CERS6: variants seen among roughly 807,000 people sequenced by gnomAD.
CERS6 encodes ceramide synthase 6.
A neutral mutation model predicts 56.8 loss-of-function variants in CERS6; 26 were observed. That is an observed-to-expected ratio of 0.46 (90% CI 0.34 to 0.63). The LOEUF is 0.63. Ranked by LOEUF, CERS6 falls within the 30% of genes least tolerant of loss-of-function variation. The probability of loss-of-function intolerance (pLI) is 0.01; values close to 1 mark genes in which losing one functional copy is unlikely to be tolerated. For synonymous variants in CERS6, 164 were observed against 173.3 expected (o/e 0.95, Z 0.42); for missense variants, 415 against 467.5 (o/e 0.89, Z 1.04).
intron 3 of CERS6, among the ~76,000 whole-genome samples, chr2:168,595,846 G>GT (rs553873493): frequency 2.2e-4 from 34 of 151,982 alleles, no homozygotes; most frequent in African/African-American, 7.0e-4. Context: ...AGAATTGTAT[G>GT]TTTTTTTTCT....
chr2:168,521,373 G>A (rs1694980329), intron 1 of CERS6, among the ~76,000 whole-genome samples: 1 of 152,170 alleles, frequency 6.6e-6, no homozygotes, highest in African/African-American at 2.4e-5. Flanking sequence ...CTCTAACAGA[G>A]AGATAACGCC....
intron 1 of CERS6, among the ~76,000 whole-genome samples, chr2:168,544,485 T>C (rs1210648574): frequency 2.0e-5 from 3 of 152,024 alleles, no homozygotes; most frequent in African/African-American, 4.8e-5. Flanking sequence ...TCCTGCTCTC[T>C]TGGGGGCCCC....
At chr2:168,500,644 G>A (rs1426873886) in intron 1 of CERS6, among the ~76,000 whole-genome samples, 2 of 152,144 alleles carry the variant, frequency 1.3e-5, no homozygotes, top group Non-Finnish European at 2.9e-5. Flanking sequence ...GGAAGAAAGG[G>A]AAACAAACAT....
chr2:168,528,309 C>T (rs1363026203), intron 1 of CERS6, among the ~76,000 whole-genome samples: 1 of 152,166 alleles, frequency 6.6e-6, no homozygotes, highest in Non-Finnish European at 1.5e-5. Context: ...TTTTCCCCAG[C>T]AATCTCTTAA....
At chr2:168,620,011 C>CCACACACACACACA (rs1491366442) in intron 3 of CERS6, among the ~76,000 whole-genome samples, 15 of 37,234 alleles carry the variant, frequency 4.0e-4, no homozygotes, top group East Asian at 1.4e-3. Context: ...GTTCCACAAT[C>CCACACACACACACA]CATACACACA....
intron 4 of CERS6, among the ~76,000 whole-genome samples, chr2:168,661,166 A>G (rs1434602051): frequency 2.0e-5 from 3 of 152,198 alleles, no homozygotes; most frequent in Admixed American, 2.0e-4. Context: ...AAGAAAAGGG[A>G]AAAAGAGAAG....
intron 1 of CERS6, among the ~76,000 whole-genome samples, chr2:168,495,529 C>A (rs10198472): frequency 1 from 151,733 of 152,330 alleles, 75,570 homozygotes; most frequent in Middle Eastern, 1. Context: ...GTTAAGACAA[C>A]TAAATGACAA....
intron 4 of CERS6, among the ~76,000 whole-genome samples, chr2:168,666,917 A>G (rs1389198047): frequency 1.3e-5 from 2 of 152,208 alleles, no homozygotes; most frequent in Admixed American, 6.5e-5. Flanking sequence ...TCAGCATGTC[A>G]TAATATTAAT....
chr2:168,482,548 A>C (rs1054583410), intron 1 of CERS6, among the ~76,000 whole-genome samples: 1 of 152,280 alleles, frequency 6.6e-6, no homozygotes, highest in East Asian at 1.9e-4. Flanking sequence ...GCTGTAGTGC[A>C]TAATTCATGC....
At chr2:168,503,622 G>T (rs533512771) in intron 1 of CERS6, among the ~76,000 whole-genome samples, 16 of 152,282 alleles carry the variant, frequency 1.1e-4, no homozygotes, top group Non-Finnish European at 1.9e-4. Context: ...TCTGCTTGTT[G>T]ACTGTAATAC....
intron 3 of CERS6, among the ~76,000 whole-genome samples, chr2:168,585,504 G>T (rs1683519741): frequency 6.6e-6 from 1 of 152,174 alleles, no homozygotes; most frequent in Admixed American, 6.5e-5. Flanking sequence ...TGTGATGTTG[G>T]CCAAGCCAAT....
chr2:168,689,894 GGT>G (rs997637139), intron 4 of CERS6, among the ~76,000 whole-genome samples: 1 of 152,092 alleles, frequency 6.6e-6, no homozygotes, highest in African/African-American at 2.4e-5. Flanking sequence ...TCAGAGACAG[GGT>G]GCACAGTGGT....
At chr2:168,506,476 C>T (rs10170249) in intron 1 of CERS6, among the ~76,000 whole-genome samples, 2,512 of 152,164 alleles carry the variant, frequency 0.017, 51 homozygotes, top group African/African-American at 0.058. Flanking sequence ...AAATGTTTCC[C>T]GCCAACATTA....
chr2:168,556,986 C>T (rs1695691231), intron 2 of CERS6, among the ~76,000 whole-genome samples: 2 of 82,272 alleles, frequency 2.4e-5, no homozygotes, highest in Admixed American at 1.9e-4. Context: ...GAAACCTTGT[C>T]TCTACAAAAA....
intron 4 of CERS6, among the ~76,000 whole-genome samples, chr2:168,686,659 T>C (rs912824768): frequency 2.6e-5 from 4 of 152,070 alleles, no homozygotes; most frequent in Admixed American, 2.6e-4. Context: ...GCCTGTGATG[T>C]TTTTCTTTCA....
intron 3 of CERS6, among the ~76,000 whole-genome samples, chr2:168,619,874 T>C (rs1684418528): frequency 6.6e-6 from 1 of 151,334 alleles, no homozygotes; most frequent in Non-Finnish European, 1.5e-5. Flanking sequence ...AAAAGATACT[T>C]GCACACTCAT....
At chr2:168,563,722 G>A (rs535484096) in intron 3 of CERS6, among the ~76,000 whole-genome samples, 15 of 152,252 alleles carry the variant, frequency 9.9e-5, no homozygotes, top group South Asian at 2.1e-4. Flanking sequence ...GCATGAACCC[G>A]GGAGGTGGAG....
intron 1 of CERS6, among the ~76,000 whole-genome samples, chr2:168,472,454 A>C (rs907020712): frequency 1.8e-4 from 28 of 152,154 alleles, no homozygotes; most frequent in African/African-American, 6.3e-4. Flanking sequence ...GGACGACAGA[A>C]GCTCTGGTAC....
chr2:168,590,485 A>G (rs990918642), intron 3 of CERS6, among the ~76,000 whole-genome samples: 1 of 152,198 alleles, frequency 6.6e-6, no homozygotes, highest in African/African-American at 2.4e-5. Context: ...ATTCCTGTTA[A>G]TGTAAGCCAC....
Sources: allele counts gnomAD v4.1 joint callset (sites outside exome capture counted in the v4.1 genomes callset), GRCh38; gene constraint gnomAD v4.1.1; transcripts MANE v1.5; gene names NCBI Gene and HGNC (gene_info 2026-07-23, HGNC 2026-07-21).